Variants in PLXNA4 observed in about 807,000 individuals in gnomAD.
PLXNA4 encodes plexin-A4.
A neutral mutation model predicts 191.8 loss-of-function variants in PLXNA4; 44 were observed. That is an observed-to-expected ratio of 0.23 (90% CI 0.18 to 0.29). The LOEUF (loss-of-function observed/expected upper bound fraction) is 0.29, where lower values mean the gene tolerates loss of function less well. PLXNA4 is among the 10% of genes least tolerant of loss of function. The probability of loss-of-function intolerance (pLI) is 1.00; values close to 1 mark genes in which losing one functional copy is unlikely to be tolerated. For synonymous variants in PLXNA4, 1,082 were observed against 1,009.5 expected, an observed-to-expected ratio of 1.07 and a Z score of -1.36; for missense variants, 1,800 against 2,488.8, an observed-to-expected ratio of 0.72 and a Z score of 5.89.
At chr7:132,590,850 C>T (rs1802593253) in intron 2 of PLXNA4, among the ~76,000 whole-genome samples, 1 of 152,112 alleles carries the variant, frequency 6.6e-6, no homozygotes, top group Non-Finnish European at 1.5e-5. Flanking sequence ...TCTAGCTGCT[C>T]AAGCAGTAAG....
chr7:132,259,683 A>G (rs1218307019), intron 4 of PLXNA4, among the ~76,000 whole-genome samples: 3 of 152,080 alleles, frequency 2.0e-5, no homozygotes, highest in African/African-American at 7.2e-5. Context: ...AGATGTTTAT[A>G]GCAATGTTAT....
At chr7:132,590,287 G>A (rs968943612) in intron 2 of PLXNA4, among the ~76,000 whole-genome samples, 8 of 152,184 alleles carry the variant, frequency 5.3e-5, no homozygotes, top group African/African-American at 1.7e-4. Flanking sequence ...AGTTAGGAAG[G>A]CCTTTGTCTG....
intron 4 of PLXNA4, among the ~76,000 whole-genome samples, chr7:132,278,612 G>A (rs779352954): frequency 2.6e-5 from 4 of 152,298 alleles, no homozygotes; most frequent in East Asian, 3.9e-4. Flanking sequence ...TCAGGGCAGC[G>A]AAGGCCCTGG....
At chr7:132,494,587 T>C (rs1400182304) in intron 2 of PLXNA4, among the ~76,000 whole-genome samples, 2 of 152,042 alleles carry the variant, frequency 1.3e-5, no homozygotes, top group Non-Finnish European at 2.9e-5. Context: ...CCACGCAGTG[T>C]GGTGGTGGTG....
At chr7:132,645,970 T>A (rs994928038) in exon 2 of PLXNA4, 1 of 152,476 alleles carries the variant, frequency 6.6e-6, no homozygotes, top group African/African-American at 2.4e-5. Context: ...ATCTGAGGGG[T>A]CATGGACATT....
At chr7:132,239,228 G>T (rs1188238331) in intron 5 of PLXNA4, among the ~76,000 whole-genome samples, 1 of 152,174 alleles carries the variant, frequency 6.6e-6, no homozygotes, top group East Asian at 1.9e-4. Flanking sequence ...CATAAAGGAA[G>T]TACTGTCTTG....
chr7:132,156,334 G>A (rs754863762), intron 25 of PLXNA4, among the ~76,000 whole-genome samples: 1 of 152,188 alleles, frequency 6.6e-6, no homozygotes, highest in Admixed American at 6.5e-5. Context: ...GAGGAGCAAT[G>A]AATAGACATG....
Position 132,433,532 on chromosome 7 carries a change from C to T in PLXNA4, c.1371+55760G>A, listed in dbSNP as rs143657391. On this transcript the variant is annotated intron_variant, in intron 3 of 31. Transcript: ENST00000321063. ...GAGGTTTGTGCTCAGCATTCATTTCCCTTTGGAGACAGTAGAAACACCACT... is the reference window on the plus strand; with the variant it reads ...GAGGTTTGTGCTCAGCATTCATTTCTCTTTGGAGACAGTAGAAACACCACT... Among the ~76,000 whole-genome samples, 481 of 152,300 alleles carry T rather than the reference C, an allele frequency of 3.2e-3. 5 individuals carry two copies. Among genetic ancestry groups the T allele is most frequent in the African/African-American group, 0.011 (447 of 41,550 alleles).
chr7:132,439,257 C>A (rs1207728953), intron 3 of PLXNA4, among the ~76,000 whole-genome samples: 1 of 151,938 alleles, frequency 6.6e-6, no homozygotes, highest in African/African-American at 2.4e-5. Context: ...GGCTCTGCAA[C>A]CATAGAGTCC....
Position 132,123,550 on chromosome 7 carries a change from T to TA in PLXNA4, c.*6928dup, listed in dbSNP as rs1000217285. On this transcript the variant is annotated 3_prime_UTR_variant, in exon 32 of 32. Coordinates refer to ENST00000321063, the MANE Select transcript of PLXNA4 (RefSeq NM_020911.2). ...TTTTAAAAACTTTTTAATTTTTTTT[T>TA]AATATTTTACTAGGATACTCTTCTT... 2 of 152,230 alleles carry TA rather than the reference T, an allele frequency of 1.3e-5. No individual in the cohort carries two copies. The highest frequency in any genetic ancestry group is 4.8e-5 in the African/African-American group (2 of 41,524). The allele number at this position is 152,230 out of a possible 1,614,324, so 9.4% of individuals were successfully genotyped here.
At chr7:132,527,440 G>A (rs1799442068) in intron 1 of PLXNA4, among the ~76,000 whole-genome samples, 1 of 144,454 alleles carries the variant, frequency 6.9e-6, no homozygotes, top group Non-Finnish European at 1.5e-5. Context: ...GGAAAGTGAA[G>A]TTTAAAGAGG....
intron 3 of PLXNA4, among the ~76,000 whole-genome samples, chr7:132,437,012 C>T (rs192479488): frequency 8.9e-4 from 135 of 152,324 alleles, no homozygotes; most frequent in African/African-American, 3.1e-3. Context: ...GATGCTCCAT[C>T]GCCATATACA....
chr7:132,244,778 G>A (rs1261712009), intron 4 of PLXNA4, among the ~76,000 whole-genome samples: 9 of 152,168 alleles, frequency 5.9e-5, no homozygotes, highest in Admixed American at 5.9e-4. Context: ...TGTACCCCAT[G>A]GTTAATTCTG....
chr7:132,292,514 G>A (rs766398140), intron 4 of PLXNA4, among the ~76,000 whole-genome samples: 13 of 152,264 alleles, frequency 8.5e-5, no homozygotes, highest in Non-Finnish European at 1.3e-4. Flanking sequence ...GTCTTCAGGC[G>A]TCATCTCCAG....
At chr7:132,354,699 C>T (rs1803629381) in intron 3 of PLXNA4, among the ~76,000 whole-genome samples, 2 of 152,030 alleles carry the variant, frequency 1.3e-5, no homozygotes, top group African/African-American at 4.8e-5. Context: ...TCTTTTTCTT[C>T]AAAAAGGAAG....
intron 9 of PLXNA4, among the ~76,000 whole-genome samples, chr7:132,217,132 C>G (rs1044284408): frequency 8.5e-5 from 13 of 152,206 alleles, no homozygotes; most frequent in Admixed American, 3.9e-4. Context: ...TGTCCAGCCC[C>G]ATGCACATTT....
At chr7:132,496,632 C>T (rs1798022801) in intron 2 of PLXNA4, among the ~76,000 whole-genome samples, 1 of 152,100 alleles carries the variant, frequency 6.6e-6, no homozygotes. Context: ...GAACTCCTGC[C>T]CTTGTGATCC....
upstream of PLXNA4, among the ~76,000 whole-genome samples, chr7:132,580,989 G>C (rs938188845): frequency 3.3e-5 from 5 of 152,210 alleles, no homozygotes; most frequent in African/African-American, 1.2e-4. Flanking sequence ...GGTGAGGCCA[G>C]GGTGCCCTCT....
intron 1 of PLXNA4, among the ~76,000 whole-genome samples, chr7:132,567,339 A>G (rs1238371544): frequency 1.5e-5 from 2 of 137,348 alleles, no homozygotes; most frequent in Non-Finnish European, 3.0e-5. Flanking sequence ...ACCCATAGTG[A>G]GTTTTACACA....
Sources: gnomAD v4.1 joint callset for allele counts (sites outside exome capture counted in the v4.1 genomes callset) on GRCh38, gnomAD v4.1.1 for gene constraint, MANE v1.5 for transcripts, NCBI Gene and HGNC (gene_info 2026-07-23, HGNC 2026-07-21) for gene names.